GET3: variants seen among roughly 807,000 people sequenced by gnomAD.
The protein encoded by GET3 is guided entry of tail-anchored proteins factor 3, ATPase, also known as ATPase GET3.
GET3 carries 15 observed loss-of-function variants against 32.4 expected under a neutral mutation model. That is an observed-to-expected ratio of 0.46 (90% CI 0.31 to 0.71). GET3 has a LOEUF of 0.71. Among genes scored for constraint, GET3 ranks in the 30% least tolerant of loss-of-function variants. GET3 has a pLI of 0.05. For missense variants in GET3, 333 were observed against 459.0 expected (o/e 0.73, Z 2.51); for synonymous variants, 198 against 185.6 (o/e 1.07, Z -0.54).
At chr19:12,744,644 C>A (rs1967736738) in intron 2 of GET3, among the ~76,000 whole-genome samples, 1 of 152,162 alleles carries the variant, frequency 6.6e-6, no homozygotes, top group Non-Finnish European at 1.5e-5. Context: ...TGCTGACGAC[C>A]TCTGTGCCAG....
intron 2 of GET3, 71 bp downstream of exon 2, chr19:12,738,729 A>C: frequency 6.3e-7 from 1 of 1,587,524 alleles, no homozygotes; most frequent in Non-Finnish European, 8.6e-7. Context: ...CGCACACACC[A>C]GCAGCCACCG....
intron 1 of GET3, among the ~76,000 whole-genome samples, chr19:12,738,121 A>G (rs1263031979): frequency 2.0e-5 from 3 of 152,146 alleles, no homozygotes; most frequent in Non-Finnish European, 4.4e-5. Flanking sequence ...TGGACAGATT[A>G]TCCTGGACAA....
intron 4 of GET3, among the ~76,000 whole-genome samples, chr19:12,746,163 C>T (rs8177487): frequency 0.085 from 12,869 of 152,126 alleles, 818 homozygotes; most frequent in Non-Finnish European, 0.12. Flanking sequence ...GACGGAGTCT[C>T]GCTCTGTCAC....
At chr19:12,737,811 C>A in intron 1 of GET3, 145 bp downstream of exon 1, 1 of 1,145,162 alleles carries the variant, frequency 8.7e-7, no homozygotes, top group Non-Finnish European at 1.2e-6. Flanking sequence ...TTACCTGGAG[C>A]AAATGAGAAA....
At position 12,747,544 on chromosome 19, in the gene GET3, C is replaced by T. The variant is rs1368100046; in HGVS notation, c.867C>T (p.Cys289=). The change falls in exon 6 of 7, where the codon TGC becomes TGT. Residue 289 remains cysteine, a synonymous_variant. Transcript: ENST00000357332. This position sits in a 1 kb window ranked among gnomAD's most constrained non-coding sequence, Gnocchi z 4.0. ...TCTTCCCCGACCCCGAGAAGCCCTG[C>T]AAGATGTGTGAGGCCCGTCACAAGA... is the stretch of plus-strand genomic sequence containing the variant. The part of the protein sequence containing the change: ...QLVFPDPEKP[C]KMCEARHKIQ... 2 of 1,614,014 alleles carry T rather than the reference C, an allele frequency of 1.2e-6. No homozygotes were observed. The highest frequency in any genetic ancestry group is 2.2e-5 in the South Asian group (2 of 91,056).
intron 2 of GET3, among the ~76,000 whole-genome samples, 159 bp downstream of exon 2, chr19:12,738,817 A>G (rs1330223297): frequency 6.6e-6 from 1 of 152,198 alleles, no homozygotes; most frequent in Non-Finnish European, 1.5e-5. Flanking sequence ...CCAATGAGGA[A>G]TTGCAGAGCA....
At chr19:12,739,056 A>C (rs1397669141) in intron 2 of GET3, among the ~76,000 whole-genome samples, 1 of 151,834 alleles carries the variant, frequency 6.6e-6, no homozygotes, top group Non-Finnish European at 1.5e-5. Flanking sequence ...ATTGTCAGTC[A>C]GGGTAGAAGC....
rs745892554 is a variant in GET3 at position 12,747,262 on chromosome 19, G to A, written c.675G>A (p.Thr225=). The change falls in exon 5 of 7, where the codon ACG becomes ACA. Residue 225 remains threonine, a synonymous_variant. Transcript: ENST00000357332. This position sits in a 1 kb window ranked among gnomAD's most constrained non-coding sequence, Gnocchi z 4.0. ...AGCTGGCCTCCAAGCTGGAGGAGAC[G>A]CTGCCCGTCATCCGCTCAGTCAGCG... is the stretch of plus-strand genomic sequence containing the variant. The part of the protein sequence containing the change: ...ADQLASKLEE[T]LPVIRSVSEQ... 2.5e-5 allele frequency: 41 copies of A among 1,611,920 alleles called. No homozygotes were observed. Among genetic ancestry groups the A allele is most frequent in the African/African-American group, 5.3e-5 (4 of 74,848 alleles).
In GET3 at chr19:12,745,589, T is replaced by C. The variant is rs1967756694; in HGVS notation, c.459-20T>C. On this transcript the variant is annotated intron_variant, in intron 3 of 6. Transcript: ENST00000357332. This position sits in a 1 kb window ranked among gnomAD's most constrained non-coding sequence, Gnocchi z 5.0. ...AGGGGAAGAGCGGACACAGAGGGCC[T>C]GACCCCTGTCTCCCCTCAGGCTGGT... 3 of 1,611,974 alleles carry C rather than the reference T, an allele frequency of 1.9e-6. No individual in the cohort carries two copies. The highest frequency in any genetic ancestry group is 2.5e-6 in the Non-Finnish European group (3 of 1,179,884).
chr19:12,737,175 G>A (rs1967583877), upstream of GET3: 1 of 200,080 alleles, frequency 5.0e-6, no homozygotes, highest in Non-Finnish European at 1.0e-5. Flanking sequence ...GGCGCTACCG[G>A]AACATAAGAG....
chr19:12,737,210 A>G (rs1311520581), upstream of GET3: 6 of 280,674 alleles, frequency 2.1e-5, no homozygotes, highest in Admixed American at 5.4e-5. Flanking sequence ...AAGAAAAGAC[A>G]TAGCCAATGA....
intron 1 of GET3, among the ~76,000 whole-genome samples, chr19:12,737,894 A>G (rs1725408155): frequency 6.6e-6 from 1 of 152,076 alleles, no homozygotes; most frequent in African/African-American, 2.4e-5. Flanking sequence ...ACCACAGTGA[A>G]CTCAGCGCCC....
intron 2 of GET3, among the ~76,000 whole-genome samples, chr19:12,741,187 T>G (rs1967660655): frequency 6.6e-6 from 1 of 152,158 alleles, no homozygotes; most frequent in Non-Finnish European, 1.5e-5. Context: ...CTGGGCATGG[T>G]GGCTCACGCC....
rs146110471 is a variant in GET3 at position 12,748,043 on chromosome 19, A to C, written c.986A>C (p.Asp329Ala). The C allele has an allele frequency of 7.4e-6, 12 of 1,612,310 alleles. No homozygotes were observed. Among genetic ancestry groups the C allele is most frequent in the Non-Finnish European group, 1.0e-5 (12 of 1,178,822 alleles). Residue 329 changes from aspartate to alanine, a missense_variant, in exon 7 of 7, where the codon GAC (aspartate) becomes GCC (alanine). Transcript: ENST00000357332. ...TTACCCCATGAGGTGCGGGGGGCAG[A>C]CAAGGTCAACACCTTCTCGGCCCTC... is the stretch of plus-strand genomic sequence containing the variant. ...PLLPHEVRGA[D>A]KVNTFSALLL...
At chr19:12,738,386 A>G in intron 1 of GET3, 125 bp from the exon 2 acceptor site, 6 of 1,135,042 alleles carry the variant, frequency 5.3e-6, no homozygotes, top group Non-Finnish European at 7.6e-6. Context: ...CATAACCCAT[A>G]CTCTCCTCTC....
chr19:12,745,592 C>T lies in GET3; in HGVS notation c.459-17C>T. 2.5e-6 allele frequency: 4 copies of T among 1,612,376 alleles called. No individual in the cohort carries two copies. The highest frequency in any genetic ancestry group is 3.4e-6 in the Non-Finnish European group (4 of 1,179,940). On this transcript the variant is annotated splice_polypyrimidine_tract_variant and intron_variant, in intron 3 of 6. Transcript: ENST00000357332. The surrounding 1 kb of genome is among the most constrained non-coding windows in gnomAD (Gnocchi z 5.0). ...GGAAGAGCGGACACAGAGGGCCTGA[C>T]CCCTGTCTCCCCTCAGGCTGGTGAA...
rs77165098 is a variant in GET3, at chr19:12,742,437, C to T, written c.310-2940C>T. 3.2e-4 allele frequency among the ~76,000 whole-genome samples: 48 copies of T among 151,174 alleles called. No homozygotes were observed. The East Asian group carries it at 4.5e-3, about 14-fold the overall frequency. Reference sequence around the variant, plus strand: ...GGGGTTTTTTTTGTTTGTTTTGAGACGGAGTCTTATTCTGTCGCCCAGGAT... The same window carrying T: ...GGGGTTTTTTTTGTTTGTTTTGAGATGGAGTCTTATTCTGTCGCCCAGGAT... On this transcript the variant is annotated intron_variant, in intron 2 of 6. Transcript: ENST00000357332.
Position 12,747,539 on chromosome 19 carries a change from C to T in GET3, c.862C>T (p.Pro288Ser), listed in dbSNP as rs751752286. ...NQLVFPDPEK[P>S]CKMCEARHKI... ...GCTCGTCTTCCCCGACCCCGAGAAG[C>T]CCTGCAAGATGTGTGAGGCCCGTCA... Residue 288 changes from proline to serine, a missense_variant, in exon 6 of 7, where the codon CCC becomes TCC. By Grantham distance (74) the Pro-to-Ser change is moderately conservative. Transcript: ENST00000357332. This position sits in a 1 kb window ranked among gnomAD's most constrained non-coding sequence, Gnocchi z 4.0. 10 of 1,614,006 alleles carry T rather than the reference C, an allele frequency of 6.2e-6. No individual in the cohort carries two copies. The highest frequency in any genetic ancestry group is 8.5e-6 in the Non-Finnish European group (10 of 1,179,998).
At chr19:12,739,495 G>C (rs978560666) in intron 2 of GET3, among the ~76,000 whole-genome samples, 1 of 152,202 alleles carries the variant, frequency 6.6e-6, no homozygotes, top group African/African-American at 2.4e-5. Flanking sequence ...AAACCAGTAA[G>C]ATTACTTGGG....
Sources: allele counts gnomAD v4.1 joint callset (sites outside exome capture counted in the v4.1 genomes callset), GRCh38; gene constraint gnomAD v4.1.1; non-coding constraint Gnocchi (gnomAD v3.1); transcripts MANE v1.5; gene names NCBI Gene and HGNC (gene_info 2026-07-23, HGNC 2026-07-21).